The following SLC43A2 variants were observed in gnomAD, a reference collection of about 807,000 sequenced individuals.
SLC43A2 encodes the protein large neutral amino acids transporter small subunit 4.
In SLC43A2, 38 loss-of-function variants were observed where a neutral mutation model predicts 63.2. The ratio of observed to expected loss-of-function variants is 0.60; its 90% CI spans 0.46 to 0.79. SLC43A2 has a LOEUF of 0.79. Ranked by LOEUF, SLC43A2 falls within the 30% of genes least tolerant of loss-of-function variation. The pLI is 0.00. For missense variants in SLC43A2, 644 were observed against 756.2 expected (o/e 0.85, Z 1.74); for synonymous variants, 322 against 331.0 (o/e 0.97, Z 0.30).
At chr17:1,613,008 G>T (rs1016604453) in intron 5 of SLC43A2, among the ~76,000 whole-genome samples, 187 bp downstream of exon 5, 1 of 150,426 alleles carries the variant, frequency 6.6e-6, no homozygotes, top group Non-Finnish European at 1.5e-5. Context: ...GTGAAGCCAC[G>T]CCCTGCTGCC....
intron 5 of SLC43A2, among the ~76,000 whole-genome samples, chr17:1,607,811 G>A (rs1906753395): frequency 6.6e-6 from 1 of 152,106 alleles, no homozygotes; most frequent in Non-Finnish European, 1.5e-5. Flanking sequence ...TGCCTCCCGG[G>A]TTCAAGCAAT....
chr17:1,603,602 G>A (rs1459477816), intron 5 of SLC43A2, among the ~76,000 whole-genome samples: 2 of 152,028 alleles, frequency 1.3e-5, no homozygotes, highest in East Asian at 1.9e-4. Flanking sequence ...TGGCCAATAC[G>A]GTGAAACCCC....
chr17:1,587,023 T>G (rs2076113331), intron 9 of SLC43A2: 1 of 1,470,864 alleles, frequency 6.8e-7, no homozygotes, highest in Non-Finnish European at 9.1e-7. Context: ...GAAATCTCAG[T>G]GCTACAGAGA....
At chr17:1,601,713 C>A (rs556349685) in intron 5 of SLC43A2, among the ~76,000 whole-genome samples, 1 of 150,282 alleles carries the variant, frequency 6.7e-6, no homozygotes, top group African/African-American at 2.5e-5. Context: ...CTACCCCAGA[C>A]ATGTACTGCC....
At chr17:1,587,814 A>G (rs1393912419) in intron 9 of SLC43A2, among the ~76,000 whole-genome samples, 1 of 152,214 alleles carries the variant, frequency 6.6e-6, no homozygotes, top group African/African-American at 2.4e-5. Context: ...GTCAACTCTT[A>G]CAAAGGGAGG....
At chr17:1,594,412 CTG>C (rs1199027811) in intron 5 of SLC43A2, among the ~76,000 whole-genome samples, 1 of 152,196 alleles carries the variant, frequency 6.6e-6, no homozygotes, top group East Asian at 1.9e-4. Context: ...AGACATCACA[CTG>C]TGTGTAGCAA....
At position 1,576,274 on chromosome 17, in the gene SLC43A2, T is replaced by TGG. The variant is rs1432414981; in HGVS notation, c.1548+321_1548+322dup. ...AATTTTTGTATTTTTAGTAGAGACC[T>TGG]GGTTTCACCATGTTGGCCAGGCTGG... On this transcript the variant is annotated intron_variant, in intron 13 of 13. Transcript: ENST00000301335. 7.2e-5 allele frequency among the ~76,000 whole-genome samples: 11 copies of TGG among 151,918 alleles called. No individual in the cohort carries two copies. The South Asian group carries it at 1.5e-3, about 20-fold the overall frequency.
intron 5 of SLC43A2, among the ~76,000 whole-genome samples, chr17:1,607,980 T>A (rs1266052353): frequency 6.6e-6 from 1 of 152,026 alleles, no homozygotes; most frequent in Non-Finnish European, 1.5e-5. Context: ...CCTCCCAAAG[T>A]GCTGGGGTTA....
chr17:1,603,487 T>C lies in SLC43A2; in HGVS notation c.501+9708A>G, dbSNP rs563241877. On this transcript the variant is annotated intron_variant, in intron 5 of 13. Coordinates refer to ENST00000301335, the MANE Select transcript of SLC43A2 (RefSeq NM_152346.3). ...CCACCTATTTAAAAACTTTTATTGG[T>C]CAAAAAACACCATGAGGCCGGGCGC... Among the ~76,000 whole-genome samples, 81 of 151,368 alleles carry C rather than the reference T, an allele frequency of 5.4e-4. 1 individual carries two copies. The highest frequency in any genetic ancestry group is 1.9e-3 in the African/African-American group (77 of 41,168).
chr17:1,627,596 G>C (rs1908771787), intron 2 of SLC43A2, 119 bp downstream of exon 2: 2 of 1,044,588 alleles, frequency 1.9e-6, no homozygotes, highest in African/African-American at 1.7e-5. Flanking sequence ...TGGGCCTTCT[G>C]ATACCCTAGA....
chr17:1,589,271 C>G (rs2151042127), intron 9 of SLC43A2, among the ~76,000 whole-genome samples: 1 of 152,320 alleles, frequency 6.6e-6, no homozygotes, highest in East Asian at 1.9e-4. Flanking sequence ...CAGGGACCAG[C>G]TCTCTCTGCA....
rs892362821 is a variant in SLC43A2 at position 1,607,005 on chromosome 17, C to T, written c.501+6190G>A. The stretch of plus-strand genomic sequence containing the variant: ...GGACTACAAGGAAAAGGCGTGTGCC[C>T]GCTTGGAGCCCCCTCTCCTACCAGT... On this transcript the variant is annotated intron_variant, in intron 5 of 13. Transcript: ENST00000301335. Among the ~76,000 whole-genome samples the T allele has an allele frequency of 5.9e-5, 9 of 152,326 alleles. No homozygotes were observed. In the South Asian group the frequency reaches 6.2e-4, roughly 11 times the overall value.
At chr17:1,612,622 TC>T (rs1324678035) in intron 5 of SLC43A2, among the ~76,000 whole-genome samples, 7 of 152,202 alleles carry the variant, frequency 4.6e-5, no homozygotes, top group African/African-American at 1.4e-4. Flanking sequence ...GCCTCTGCCT[TC>T]CTTGGGCACA....
At chr17:1,589,587 G>A (rs4790664) in intron 9 of SLC43A2, among the ~76,000 whole-genome samples, 18,991 of 152,158 alleles carry the variant, frequency 0.12, 1,415 homozygotes, top group East Asian at 0.31. Context: ...AAAGAGACAT[G>A]ATAGATTAGG....
rs1400634985 is a variant in SLC43A2 at position 1,573,923 on chromosome 17, T to A, written c.*1681A>T. ...GTGAGCCACCACGCCCAGTCTTTTT[T>A]TAAATATTTGAGTGAAATAAAGCCT... On this transcript the variant is annotated 3_prime_UTR_variant, in exon 14 of 14. Transcript: ENST00000301335. The A allele has an allele frequency of 1.3e-5, 2 of 152,248 alleles. No homozygotes were observed. Among genetic ancestry groups the A allele is most frequent in the Admixed American group, 6.5e-5 (1 of 15,278 alleles). The allele number at this position is 152,248 out of a possible 1,614,324, so 9.4% of individuals were successfully genotyped here.
intron 11 of SLC43A2, among the ~76,000 whole-genome samples, chr17:1,579,385 G>A (rs954188754): frequency 1.3e-3 from 199 of 150,714 alleles, no homozygotes; most frequent in African/African-American, 3.0e-3. Context: ...CGCTTGAACC[G>A]GGGAGGCGGA....
intron 5 of SLC43A2, among the ~76,000 whole-genome samples, chr17:1,608,520 A>C (rs1906821929): frequency 6.6e-6 from 1 of 151,996 alleles, no homozygotes; most frequent in Non-Finnish European, 1.5e-5. Context: ...CAGCCTCCCG[A>C]GTAGCTGGAA....
chr17:1,590,058 A>G (rs1426217873), intron 9 of SLC43A2, among the ~76,000 whole-genome samples: 1 of 152,206 alleles, frequency 6.6e-6, no homozygotes, highest in African/African-American at 2.4e-5. Flanking sequence ...TCACCTTGAT[A>G]AAAACAAGGA....
At chr17:1,612,823 T>G (rs1175999110) in intron 5 of SLC43A2, among the ~76,000 whole-genome samples, 1 of 152,108 alleles carries the variant, frequency 6.6e-6, no homozygotes. Flanking sequence ...AATACAAAAA[T>G]TAGCCGGGTG....
Sources: allele counts gnomAD v4.1 joint callset (sites outside exome capture counted in the v4.1 genomes callset), GRCh38; gene constraint gnomAD v4.1.1; transcripts MANE v1.5; gene names NCBI Gene and HGNC (gene_info 2026-07-23, HGNC 2026-07-21).